CSRNP3: variants seen among roughly 807,000 people sequenced by gnomAD.
The protein encoded by CSRNP3 is cysteine/serine-rich nuclear protein 3.
CSRNP3 carries 12 observed loss-of-function variants against 48.0 expected under a neutral mutation model. The observed-to-expected ratio is 0.25, with a 90% CI of 0.16 to 0.41. The LOEUF (loss-of-function observed/expected upper bound fraction) is 0.41. CSRNP3 is among the 10% of genes least tolerant of loss of function. The pLI, the probability that CSRNP3 is intolerant of heterozygous loss-of-function variation, is 1.00. For missense variants in CSRNP3, 580 were observed against 724.4 expected, an observed-to-expected ratio of 0.80 and a Z score of 2.29; for synonymous variants, 263 against 269.7, an observed-to-expected ratio of 0.98 and a Z score of 0.24.
intron 2 of CSRNP3, among the ~76,000 whole-genome samples, chr2:165,513,977 A>G (rs1390055226): frequency 6.6e-6 from 1 of 152,260 alleles, no homozygotes; most frequent in Non-Finnish European, 1.5e-5. Context: ...GATGTGAATC[A>G]TAAGAGTTAG....
At chr2:165,606,432 C>A (rs1300906937) in intron 4 of CSRNP3, among the ~76,000 whole-genome samples, 1 of 146,618 alleles carries the variant, frequency 6.8e-6, no homozygotes, top group African/African-American at 2.5e-5. Flanking sequence ...AAGGCTAACA[C>A]AATTATGAAC....
intron 1 of CSRNP3, among the ~76,000 whole-genome samples, chr2:165,490,110 C>T (rs1433700434): frequency 6.7e-6 from 1 of 149,484 alleles, no homozygotes; most frequent in Non-Finnish European, 1.5e-5. Flanking sequence ...TCTCAGGATA[C>T]AAAATCAATG....
chr2:165,530,282 A>T (rs1320363148), intron 3 of CSRNP3, among the ~76,000 whole-genome samples: 1 of 152,122 alleles, frequency 6.6e-6, no homozygotes, highest in Non-Finnish European at 1.5e-5. Flanking sequence ...AATCAGTTTC[A>T]ATTACTAATC....
chr2:165,633,645 A>C (rs1232174952), intron 4 of CSRNP3, among the ~76,000 whole-genome samples: 1 of 152,196 alleles, frequency 6.6e-6, no homozygotes, highest in African/African-American at 2.4e-5. Flanking sequence ...GCTTGAAACC[A>C]TGCTAGCCTA....
chr2:165,648,825 C>A (rs936156034), intron 4 of CSRNP3, among the ~76,000 whole-genome samples: 5 of 152,188 alleles, frequency 3.3e-5, no homozygotes, highest in Admixed American at 3.3e-4. Flanking sequence ...TAAATTTTCA[C>A]ATGCAGCTTT....
chr2:165,569,924 C>T (rs1312364733), intron 3 of CSRNP3, among the ~76,000 whole-genome samples: 1 of 151,692 alleles, frequency 6.6e-6, no homozygotes, highest in Non-Finnish European at 1.5e-5. Flanking sequence ...TTCCAAAAAT[C>T]CTATCTACTT....
chr2:165,503,541 CTT>C (rs937198807), intron 2 of CSRNP3, among the ~76,000 whole-genome samples: 4 of 151,874 alleles, frequency 2.6e-5, no homozygotes, highest in African/African-American at 9.7e-5. Context: ...CTACCATACT[CTT>C]AAAGTTTAAC....
intron 1 of CSRNP3, among the ~76,000 whole-genome samples, chr2:165,471,131 G>A (rs2105442067): frequency 6.6e-6 from 1 of 151,848 alleles, no homozygotes; most frequent in East Asian, 1.9e-4. Flanking sequence ...TAAATGAATT[G>A]AGAATTACCT....
chr2:165,651,483 T>A (rs190487246), intron 4 of CSRNP3, among the ~76,000 whole-genome samples: 2 of 152,324 alleles, frequency 1.3e-5, no homozygotes, highest in Non-Finnish European at 2.9e-5. Context: ...CCCTGGATGA[T>A]ACTGCAAACA....
chr2:165,594,791 A>G (rs569055132), intron 3 of CSRNP3, among the ~76,000 whole-genome samples: 9 of 152,296 alleles, frequency 5.9e-5, no homozygotes, highest in Admixed American at 3.9e-4. Context: ...GAATAATGAT[A>G]TTACATTAAA....
intron 4 of CSRNP3, among the ~76,000 whole-genome samples, chr2:165,596,486 C>T (rs866821173): frequency 1.3e-5 from 2 of 152,070 alleles, no homozygotes; most frequent in South Asian, 4.1e-4. Flanking sequence ...AACTCAATAG[C>T]TGTTGAACAT....
chr2:165,649,993 A>G (rs373890209), intron 4 of CSRNP3, among the ~76,000 whole-genome samples: 1 of 152,108 alleles, frequency 6.6e-6, no homozygotes, highest in African/African-American at 2.4e-5. Flanking sequence ...ACTCTTTATA[A>G]CTGAATGTAA....
chr2:165,517,288 A>G (rs1190528643), intron 2 of CSRNP3, among the ~76,000 whole-genome samples: 1 of 151,960 alleles, frequency 6.6e-6, no homozygotes, highest in Non-Finnish European at 1.5e-5. Flanking sequence ...AAAGAACAAC[A>G]TTTTTGTTAA....
chr2:165,662,540 A>G (rs1687115194), intron 5 of CSRNP3, among the ~76,000 whole-genome samples: 2 of 152,202 alleles, frequency 1.3e-5, no homozygotes, highest in African/African-American at 2.4e-5. Context: ...TTAATACTAT[A>G]CACTTTTCCA....
intron 2 of CSRNP3, among the ~76,000 whole-genome samples, chr2:165,503,412 C>G (rs1160199870): frequency 2.0e-5 from 3 of 151,688 alleles, no homozygotes; most frequent in African/African-American, 7.3e-5. Context: ...TTATTACATG[C>G]TCTGGTTATT....
intron 3 of CSRNP3, among the ~76,000 whole-genome samples, chr2:165,559,069 C>A (rs1403720363): frequency 1.3e-5 from 2 of 151,846 alleles, no homozygotes; most frequent in Non-Finnish European, 2.9e-5. Flanking sequence ...GTGTCAGAGA[C>A]TACTGAGAGA....
At chr2:165,624,634 T>G (rs1369710526) in intron 4 of CSRNP3, among the ~76,000 whole-genome samples, 2 of 152,144 alleles carry the variant, frequency 1.3e-5, no homozygotes, top group Non-Finnish European at 2.9e-5. Flanking sequence ...CTGGGTTTTC[T>G]TCTCTTAACT....
At chr2:165,589,966 C>A (rs1685690883) in intron 3 of CSRNP3, among the ~76,000 whole-genome samples, 1 of 152,168 alleles carries the variant, frequency 6.6e-6, no homozygotes, top group East Asian at 1.9e-4. Flanking sequence ...ACATAGGTTT[C>A]CATCTTGTAT....
chr2:165,495,930 G>C (rs1207437967), intron 2 of CSRNP3, among the ~76,000 whole-genome samples: 1 of 151,764 alleles, frequency 6.6e-6, no homozygotes, highest in African/African-American at 2.4e-5. Flanking sequence ...AGCCGATATG[G>C]CACATGTATA....
Sources: allele counts gnomAD v4.1 joint callset (sites outside exome capture counted in the v4.1 genomes callset), GRCh38; gene constraint gnomAD v4.1.1; transcripts MANE v1.5; gene names NCBI Gene and HGNC (gene_info 2026-07-23, HGNC 2026-07-21).